The following GRIA3 variants were observed in gnomAD, a reference collection of about 807,000 sequenced individuals.
The protein encoded by GRIA3 is glutamate ionotropic receptor AMPA type subunit 3.
A neutral mutation model predicts 63.0 loss-of-function variants in GRIA3; 3 were observed. The observed-to-expected ratio is 0.05, with a 90% CI of 0.02 to 0.12. The LOEUF is 0.12. Ranked by LOEUF, GRIA3 falls within the 10% of genes least tolerant of loss-of-function variation. The probability of loss-of-function intolerance (pLI) is 1.00; values close to 1 mark genes in which losing one functional copy is unlikely to be tolerated. For missense variants in GRIA3, 347 were observed against 700.9 expected, an observed-to-expected ratio of 0.50 and a Z score of 5.70; for synonymous variants, 274 against 257.9, an observed-to-expected ratio of 1.06 and a Z score of -0.60.
intron 3 of GRIA3, among the ~76,000 whole-genome samples, chrX:123,313,023 GA>G (rs2044806643): frequency 9.0e-6 from 1 of 110,936 alleles, no homozygotes; most frequent in African/African-American, 3.3e-5. Flanking sequence ...CAAACAGCCT[GA>G]CTTCTCTGCA....
At chrX:123,233,802 AT>A (rs1157655854) in intron 2 of GRIA3, among the ~76,000 whole-genome samples, 1 of 111,716 alleles carries the variant, frequency 9.0e-6, no homozygotes, top group Non-Finnish European at 1.9e-5. Context: ...CTGCCTGGGA[AT>A]TTGATGATCA....
intron 12 of GRIA3, among the ~76,000 whole-genome samples, chrX:123,442,974 C>A (rs2045684258): frequency 9.1e-6 from 1 of 110,187 alleles, no homozygotes; most frequent in Non-Finnish European, 1.9e-5. Context: ...AGCTGACTGG[C>A]TGAGGTCAAG....
intron 2 of GRIA3, among the ~76,000 whole-genome samples, chrX:123,187,022 T>C (rs937972819): frequency 1.8e-5 from 2 of 112,685 alleles, no homozygotes; most frequent in African/African-American, 6.4e-5. Context: ...ACTAAAAGTT[T>C]TCACAACAAT....
At chrX:123,403,930 G>A (rs2045457074) in intron 9 of GRIA3, among the ~76,000 whole-genome samples, 1 of 110,893 alleles carries the variant, frequency 9.0e-6, no homozygotes, top group Non-Finnish European at 1.9e-5. Context: ...CTGAGCCTCA[G>A]GTTGTTGTTT....
intron 12 of GRIA3, among the ~76,000 whole-genome samples, chrX:123,448,398 A>C (rs2045713951): frequency 9.0e-6 from 1 of 111,473 alleles, no homozygotes; most frequent in Admixed American, 9.5e-5. Flanking sequence ...AACCCAGATG[A>C]TAGCCAGCCC....
intron 4 of GRIA3, among the ~76,000 whole-genome samples, chrX:123,350,162 AT>A (rs1285136649): frequency 9.0e-6 from 1 of 111,621 alleles, no homozygotes; most frequent in East Asian, 2.8e-4. Flanking sequence ...TAAACCAGCA[AT>A]CCCCCACACC....
chrX:123,338,771 C>T (rs780710752), intron 4 of GRIA3, among the ~76,000 whole-genome samples: 5 of 111,510 alleles, frequency 4.5e-5, no homozygotes, highest in African/African-American at 1.3e-4. Flanking sequence ...AGGCTAGTGT[C>T]GAACTCCTGA....
chrX:123,469,339 A>G (rs2045850739), intron 13 of GRIA3, among the ~76,000 whole-genome samples: 1 of 112,129 alleles, frequency 8.9e-6, no homozygotes, highest in Non-Finnish European at 1.9e-5. Flanking sequence ...ATGGAAAGAA[A>G]CAGCAAATTT....
At chrX:123,241,692 C>T (rs2147276014) in intron 2 of GRIA3, among the ~76,000 whole-genome samples, 1 of 109,916 alleles carries the variant, frequency 9.1e-6, no homozygotes, top group East Asian at 2.9e-4. Flanking sequence ...AGAAGGATGG[C>T]CAGAGTGGTG....
At chrX:123,372,229 G>A (rs2045251863) in intron 5 of GRIA3, among the ~76,000 whole-genome samples, 1 of 111,404 alleles carries the variant, frequency 9.0e-6, no homozygotes. Context: ...CTGTTACATT[G>A]GTCTGTATGT....
chrX:123,409,701 C>G (rs1038725119), intron 10 of GRIA3, among the ~76,000 whole-genome samples: 2 of 111,794 alleles, frequency 1.8e-5, no homozygotes, highest in African/African-American at 6.5e-5. Flanking sequence ...GCTAGCAGGG[C>G]TCTTAAACAT....
intron 4 of GRIA3, 146 bp downstream of exon 4, chrX:123,326,359 A>C: frequency 3.2e-6 from 1 of 315,543 alleles, no homozygotes; most frequent in Non-Finnish European, 5.4e-6. Flanking sequence ...TTTCCTCCCC[A>C]GTGGCTGCAG....
intron 12 of GRIA3, among the ~76,000 whole-genome samples, chrX:123,458,765 T>C (rs1018016496): frequency 9.0e-6 from 1 of 111,610 alleles, no homozygotes; most frequent in African/African-American, 3.3e-5. Context: ...AACATAAATG[T>C]AAAAGGAAAA....
chrX:123,308,216 T>C (rs1483202505), intron 3 of GRIA3, among the ~76,000 whole-genome samples: 1 of 112,063 alleles, frequency 8.9e-6, no homozygotes, highest in Non-Finnish European at 1.9e-5. Context: ...TATACAAGAA[T>C]GACTAGGCCA....
At chrX:123,231,121 G>A (rs1390206536) in intron 2 of GRIA3, among the ~76,000 whole-genome samples, 1 of 111,914 alleles carries the variant, frequency 8.9e-6, no homozygotes, top group Admixed American at 9.5e-5. Context: ...AATTAAACCT[G>A]TTTTTACTGT....
chrX:123,403,315 G>A, intron 8 of GRIA3, 97 bp from the exon 9 acceptor site: 1 of 666,658 alleles, frequency 1.5e-6, no homozygotes, highest in Non-Finnish European at 2.5e-6. Flanking sequence ...TCCTTATAGA[G>A]CTCAAGAAAG....
At chrX:123,474,773 T>C (rs1267784378) in intron 13 of GRIA3, among the ~76,000 whole-genome samples, 1 of 111,471 alleles carries the variant, frequency 9.0e-6, no homozygotes, top group Non-Finnish European at 1.9e-5. Flanking sequence ...TAAAGCTGTC[T>C]CCATATGTAA....
intron 5 of GRIA3, among the ~76,000 whole-genome samples, chrX:123,387,187 A>G (rs1475086181): frequency 1.8e-5 from 2 of 111,340 alleles, no homozygotes; most frequent in Non-Finnish European, 3.8e-5. Context: ...TTATTCCTAG[A>G]TATTTCAGTA....
At chrX:123,294,472 G>A (rs2044673603) in intron 3 of GRIA3, among the ~76,000 whole-genome samples, 1 of 111,444 alleles carries the variant, frequency 9.0e-6, no homozygotes, top group African/African-American at 3.2e-5. Context: ...CAGGTCCTAT[G>A]CAGGTGAACA....
Sources: allele counts gnomAD v4.1 joint callset (sites outside exome capture counted in the v4.1 genomes callset), GRCh38; gene constraint gnomAD v4.1.1; transcripts MANE v1.5; gene names NCBI Gene and HGNC (gene_info 2026-07-23, HGNC 2026-07-21).